The following GULP1 variants were observed in gnomAD, a reference collection of about 807,000 sequenced individuals.
GULP1 encodes the protein GULP PTB domain containing engulfment adaptor 1.
Under a neutral mutation model 40.9 loss-of-function variants are expected in GULP1, and 19 were observed. That is an observed-to-expected ratio of 0.46 (90% confidence interval 0.32 to 0.68). The LOEUF is 0.68. GULP1 is among the 30% of genes least tolerant of loss of function. GULP1 has a pLI of 0.03. For synonymous variants in GULP1, 119 were observed against 117.6 expected, an observed-to-expected ratio of 1.01 and a Z score of -0.08; for missense variants, 312 against 362.2, an observed-to-expected ratio of 0.86 and a Z score of 1.12.
intron 2 of GULP1, among the ~76,000 whole-genome samples, chr2:188,468,349 T>C (rs576593871): frequency 6.6e-6 from 1 of 152,192 alleles, no homozygotes; most frequent in Non-Finnish European, 1.5e-5. Context: ...ACTCTAAAAA[T>C]ATCTTCAAAA....
chr2:188,543,690 G>GC (rs980350309), intron 7 of GULP1, among the ~76,000 whole-genome samples: 23 of 152,196 alleles, frequency 1.5e-4, no homozygotes, highest in African/African-American at 5.5e-4. Flanking sequence ...GTTGAAGTAA[G>GC]TTTCCCAAAG....
At chr2:188,580,192 C>T (rs1468329879) in intron 9 of GULP1, among the ~76,000 whole-genome samples, 8 of 152,096 alleles carry the variant, frequency 5.3e-5, no homozygotes, top group African/African-American at 1.4e-4. Flanking sequence ...TAAGTTATAT[C>T]GAACAAAAAC....
At chr2:188,363,803 TGAGAGAG>T (rs1320607999) in intron 1 of GULP1, among the ~76,000 whole-genome samples, 1 of 152,126 alleles carries the variant, frequency 6.6e-6, no homozygotes, top group Non-Finnish European at 1.5e-5. Flanking sequence ...TTAAGAAATT[TGAGAGAG>T]GAGCAGCTTT....
chr2:188,436,062 T>A (rs1213878992), intron 2 of GULP1, among the ~76,000 whole-genome samples: 1 of 152,108 alleles, frequency 6.6e-6, no homozygotes, highest in East Asian at 1.9e-4. Flanking sequence ...CTTAAGGTAA[T>A]CCTGGCTTTG....
At chr2:188,319,797 T>C (rs931778180) in intron 1 of GULP1, among the ~76,000 whole-genome samples, 3 of 152,164 alleles carry the variant, frequency 2.0e-5, no homozygotes, top group African/African-American at 7.2e-5. Context: ...GATTTTTATT[T>C]TGTTGATTCA....
At chr2:188,330,382 C>T (rs910634668) in intron 1 of GULP1, among the ~76,000 whole-genome samples, 1 of 152,028 alleles carries the variant, frequency 6.6e-6, no homozygotes, top group African/African-American at 2.4e-5. Flanking sequence ...TATTATTTGT[C>T]TTTTTGGTGG....
Position 188,365,533 on chromosome 2 carries a change from C to T in GULP1, c.-171-18230C>T, listed in dbSNP as rs531726323. On this transcript the variant is annotated intron_variant, in intron 1 of 11. Coordinates refer to ENST00000409830, the MANE Select transcript of GULP1 (RefSeq NM_016315.4). Reference sequence around the variant, plus strand: ...TGAGGAAGCATAAAATTCTTGAGTGCTACCAATATTTATTAGAAGGAAGCT... The same window carrying T: ...TGAGGAAGCATAAAATTCTTGAGTGTTACCAATATTTATTAGAAGGAAGCT... Among the ~76,000 whole-genome samples, 7 of 152,240 alleles carry T rather than the reference C, an allele frequency of 4.6e-5. No homozygotes were observed. The South Asian group carries it at 1.0e-3, about 23-fold the overall frequency.
chr2:188,399,704 A>AAC (rs2051879982), intron 2 of GULP1, among the ~76,000 whole-genome samples: 3 of 149,830 alleles, frequency 2.0e-5, no homozygotes, highest in East Asian at 2.0e-4. Context: ...AAAAAAAAAA[A>AAC]AAAAAAAAAA....
intron 1 of GULP1, among the ~76,000 whole-genome samples, chr2:188,382,062 A>C (rs1196025549): frequency 6.6e-6 from 1 of 152,174 alleles, no homozygotes; most frequent in Non-Finnish European, 1.5e-5. Flanking sequence ...AAAATTTAAA[A>C]TTGTTGCTTT....
At chr2:188,508,439 A>T (rs558113846) in intron 4 of GULP1, among the ~76,000 whole-genome samples, 1 of 152,146 alleles carries the variant, frequency 6.6e-6, no homozygotes, top group Non-Finnish European at 1.5e-5. Context: ...GGGAAGAGAG[A>T]ATTAGGCTGT....
At chr2:188,374,789 A>C (rs370720978) in intron 1 of GULP1, among the ~76,000 whole-genome samples, 33 of 151,886 alleles carry the variant, frequency 2.2e-4, no homozygotes, top group African/African-American at 7.5e-4. Flanking sequence ...AAGGAAATTC[A>C]GGGTGCTATT....
chr2:188,398,836 G>A (rs1440586262), intron 2 of GULP1, among the ~76,000 whole-genome samples: 1 of 152,088 alleles, frequency 6.6e-6, no homozygotes, highest in Non-Finnish European at 1.5e-5. Flanking sequence ...ATTTTCATGA[G>A]AATAATTTTT....
At position 188,522,962 on chromosome 2, in the gene GULP1, T is replaced by G. The variant is rs1322686458; in HGVS notation, c.162+135T>G. On this transcript the variant is annotated intron_variant, in intron 5 of 11. Coordinates refer to ENST00000409830, the MANE Select transcript of GULP1 (RefSeq NM_016315.4). ...TATTAAAAATGAACTATTGAACAAA[T>G]GTAATCATATCAAGGAAACATTTTT... The G allele has an allele frequency of 7.2e-6, 4 of 559,356 alleles. No individual in the cohort carries two copies. In the East Asian group the frequency reaches 1.2e-4, roughly 16 times the overall value. The allele number at this position is 559,356 out of a possible 1,614,324, so 34.6% of individuals were successfully genotyped here.
intron 1 of GULP1, among the ~76,000 whole-genome samples, chr2:188,324,177 C>T (rs1468851950): frequency 6.6e-6 from 1 of 152,030 alleles, no homozygotes; most frequent in Non-Finnish European, 1.5e-5. Context: ...AGAAGGCCCT[C>T]AGTCAGAACC....
intron 1 of GULP1, among the ~76,000 whole-genome samples, chr2:188,351,585 A>G (rs1192820348): frequency 6.6e-6 from 1 of 152,174 alleles, no homozygotes; most frequent in Non-Finnish European, 1.5e-5. Flanking sequence ...CATGCATTCT[A>G]GAGGTTATAG....
intron 1 of GULP1, among the ~76,000 whole-genome samples, chr2:188,368,373 G>A (rs1360548276): frequency 1.3e-5 from 2 of 152,056 alleles, no homozygotes; most frequent in African/African-American, 4.8e-5. Flanking sequence ...TTGAGGTCGG[G>A]AGTTCGAGAC....
intron 2 of GULP1, among the ~76,000 whole-genome samples, chr2:188,388,530 A>G (rs2050092607): frequency 6.6e-6 from 1 of 152,038 alleles, no homozygotes; most frequent in South Asian, 2.1e-4. Flanking sequence ...GTGACAGACC[A>G]AAACTCTGTC....
intron 11 of GULP1, chr2:188,589,738 A>G: frequency 7.2e-7 from 1 of 1,392,692 alleles, no homozygotes; most frequent in Non-Finnish European, 9.6e-7. Context: ...CATGGTGGGT[A>G]GCGCCAGAGA....
chr2:188,370,925 T>C (rs2047517391), intron 1 of GULP1, among the ~76,000 whole-genome samples: 1 of 152,082 alleles, frequency 6.6e-6, no homozygotes, highest in Non-Finnish European at 1.5e-5. Flanking sequence ...ATTGGTGACC[T>C]ATTGATAAGA....
Sources: gnomAD v4.1 joint callset for allele counts (sites outside exome capture counted in the v4.1 genomes callset) on GRCh38, gnomAD v4.1.1 for gene constraint, MANE v1.5 for transcripts, NCBI Gene and HGNC (gene_info 2026-07-23, HGNC 2026-07-21) for gene names.